The following LYPLAL1 variants were observed in gnomAD, a reference collection of about 807,000 sequenced individuals.
The protein encoded by LYPLAL1 is lysophospholipase-like protein 1.
A neutral mutation model predicts 19.7 loss-of-function variants in LYPLAL1; 23 were observed. The ratio of observed to expected loss-of-function variants is 1.17; its 90% CI spans 0.84 to 1.65. The LOEUF (loss-of-function observed/expected upper bound fraction) is 1.65. Among genes scored for constraint, LYPLAL1 ranks in the 40% most tolerant of loss-of-function variants. The probability of loss-of-function intolerance (pLI) is 0.00; values close to 1 mark genes in which losing one functional copy is unlikely to be tolerated. For missense variants in LYPLAL1, 355 were observed against 279.4 expected, an observed-to-expected ratio of 1.27 and a Z score of -1.93; for synonymous variants, 119 against 96.3, an observed-to-expected ratio of 1.24 and a Z score of -1.38.
the LYPLAL1 span, among the ~76,000 whole-genome samples, chr1:219,358,830 G>A: frequency 6.6e-6 from 1 of 150,788 alleles, no homozygotes; most frequent in Non-Finnish European, 1.5e-5. Flanking sequence ...GTGCGTGTGT[G>A]TGTGCGTGTG....
At chr1:219,379,984 C>A in the LYPLAL1 span, among the ~76,000 whole-genome samples, 1 of 152,204 alleles carries the variant, frequency 6.6e-6, no homozygotes, top group South Asian at 2.1e-4. Context: ...GGCTGGGGGC[C>A]ATCCCAAAGG....
the LYPLAL1 span, among the ~76,000 whole-genome samples, chr1:219,245,179 TC>T: frequency 2.2e-4 from 1 of 4,544 alleles, no homozygotes; most frequent in Non-Finnish European, 4.0e-4. Flanking sequence ...TTCCATCCCT[TC>T]CTTCCTTCCT....
At chr1:219,439,819 A>G in the LYPLAL1 span, among the ~76,000 whole-genome samples, 1 of 151,884 alleles carries the variant, frequency 6.6e-6, no homozygotes, top group Non-Finnish European at 1.5e-5. Context: ...TTTTATGATT[A>G]TATAACAAAA....
At chr1:219,424,609 G>C in the LYPLAL1 span, among the ~76,000 whole-genome samples, 2 of 152,130 alleles carry the variant, frequency 1.3e-5, no homozygotes, top group African/African-American at 4.8e-5. Flanking sequence ...AATAACACAT[G>C]TCCTGATGAC....
the LYPLAL1 span, among the ~76,000 whole-genome samples, chr1:219,423,788 A>G: frequency 6.6e-6 from 1 of 152,106 alleles, no homozygotes; most frequent in Non-Finnish European, 1.5e-5. Context: ...CACTATACTT[A>G]GTAAGTGGTA....
the LYPLAL1 span, among the ~76,000 whole-genome samples, chr1:219,375,965 T>G: frequency 2.0e-5 from 3 of 151,982 alleles, no homozygotes; most frequent in Admixed American, 6.6e-5. Context: ...ATGGTCTTGA[T>G]CTCCTGACCT....
chr1:219,362,319 AC>A, the LYPLAL1 span, among the ~76,000 whole-genome samples: 1 of 152,064 alleles, frequency 6.6e-6, no homozygotes, highest in African/African-American at 2.4e-5. Flanking sequence ...CCTCTTGAAG[AC>A]CCGTTTGCTC....
the LYPLAL1 span, among the ~76,000 whole-genome samples, chr1:219,381,724 A>G: frequency 6.6e-6 from 1 of 152,228 alleles, no homozygotes; most frequent in Non-Finnish European, 1.5e-5. Flanking sequence ...TGAAATTAAT[A>G]TTATGCATCA....
chr1:219,378,024 C>T, the LYPLAL1 span, among the ~76,000 whole-genome samples: 1 of 152,194 alleles, frequency 6.6e-6, no homozygotes, highest in Non-Finnish European at 1.5e-5. Flanking sequence ...ACTTCACTTT[C>T]AAAAACAGAT....
chr1:219,411,059 G>A, the LYPLAL1 span, among the ~76,000 whole-genome samples: 1 of 152,250 alleles, frequency 6.6e-6, no homozygotes, highest in Non-Finnish European at 1.5e-5. Context: ...GGACTGGCAG[G>A]CAGCTCCACC....
the LYPLAL1 span, among the ~76,000 whole-genome samples, chr1:219,218,831 A>T: frequency 6.6e-6 from 1 of 152,140 alleles, no homozygotes; most frequent in Non-Finnish European, 1.5e-5. Flanking sequence ...AACCATGAAT[A>T]ACAACGCAAG....
chr1:219,308,750 A>C, the LYPLAL1 span, among the ~76,000 whole-genome samples: 1 of 152,218 alleles, frequency 6.6e-6, no homozygotes, highest in African/African-American at 2.4e-5. Context: ...GTATGGAAAC[A>C]CCTGGATGCC....
intron 2 of LYPLAL1, among the ~76,000 whole-genome samples, chr1:219,188,547 G>A (rs560452123): frequency 1.3e-5 from 2 of 151,902 alleles, no homozygotes; most frequent in East Asian, 3.9e-4. Context: ...GTGGGAGAGA[G>A]AAGTGGTATG....
chr1:219,207,477 T>G (rs773228276), intron 3 of LYPLAL1, among the ~76,000 whole-genome samples: 8 of 152,026 alleles, frequency 5.3e-5, no homozygotes, highest in Non-Finnish European at 8.8e-5. Flanking sequence ...GCTTTACTTT[T>G]ATATCAAATT....
rs796204121 is a variant in LYPLAL1, at chr1:219,174,078, A to T, written c.91+97A>T. 78 of 1,552,148 alleles carry T rather than the reference A, an allele frequency of 5.0e-5. No individual in the cohort carries two copies. In the African/African-American group the frequency reaches 8.8e-4, roughly 18 times the overall value. ...CCCAAGTGGAGGTGTCGCCGGGCCC[A>T]AATAGGGCCCAGTGGGTGGCTCCCC... On this transcript the variant is annotated intron_variant, in intron 1 of 4. Transcript: ENST00000366928.
chr1:219,226,470 A>T, the LYPLAL1 span, among the ~76,000 whole-genome samples: 2 of 152,192 alleles, frequency 1.3e-5, no homozygotes, highest in Admixed American at 1.3e-4. Flanking sequence ...CGGTCAAAAT[A>T]TTCTTCCCTG....
chr1:219,306,612 G>A, the LYPLAL1 span, among the ~76,000 whole-genome samples: 1 of 151,826 alleles, frequency 6.6e-6, no homozygotes, highest in African/African-American at 2.4e-5. Flanking sequence ...ATTAGACTTG[G>A]ACTGGAGTTA....
At chr1:219,420,925 A>G in the LYPLAL1 span, among the ~76,000 whole-genome samples, 1 of 152,168 alleles carries the variant, frequency 6.6e-6, no homozygotes. Flanking sequence ...CCATTCTGAA[A>G]TTTTTATTCT....
At chr1:219,351,558 CT>C in the LYPLAL1 span, among the ~76,000 whole-genome samples, 1 of 152,000 alleles carries the variant, frequency 6.6e-6, no homozygotes, top group African/African-American at 2.4e-5. Context: ...CGAGAATGCC[CT>C]TATGTTCACT....
Sources: allele counts gnomAD v4.1 joint callset (sites outside exome capture counted in the v4.1 genomes callset), GRCh38; gene constraint gnomAD v4.1.1; transcripts MANE v1.5; gene names NCBI Gene and HGNC (gene_info 2026-07-23, HGNC 2026-07-21).